The following FSHR variants were observed in gnomAD, a reference collection of about 807,000 sequenced individuals.
FSHR encodes follicle stimulating hormone receptor.
FSHR carries 46 observed loss-of-function variants against 52.1 expected under a neutral mutation model. The ratio of observed to expected loss-of-function variants is 0.88; its 90% confidence interval spans 0.70 to 1.13. FSHR has a LOEUF of 1.13. Among genes scored for constraint, FSHR ranks in the 50% most tolerant of loss-of-function variants. FSHR has a pLI of 0.00. For synonymous variants in FSHR, 399 were observed against 309.6 expected, an observed-to-expected ratio of 1.29 and a Z score of -3.03; for missense variants, 964 against 834.6, an observed-to-expected ratio of 1.16 and a Z score of -1.91.
intron 4 of FSHR, among the ~76,000 whole-genome samples, chr2:49,011,531 G>T (rs1667273733): frequency 6.6e-6 from 1 of 152,150 alleles, no homozygotes; most frequent in Non-Finnish European, 1.5e-5. Context: ...GAGTTCTGTA[G>T]ATGTCTATTA....
chr2:49,154,467 C>G lies in FSHR; in HGVS notation c.-50G>C. 4 of 1,590,600 alleles carry G rather than the reference C, an allele frequency of 2.5e-6. No individual in the cohort carries two copies. The highest frequency in any genetic ancestry group is 3.4e-6 in the Non-Finnish European group (4 of 1,161,326). ...TCTTCCTGCATTTGCAGAGAAAAAC[C>G]TCCACAGATCTCAGAAGCTCCACAC... is the stretch of plus-strand genomic sequence containing the variant. On this transcript the variant is annotated 5_prime_UTR_variant, in exon 1 of 10. Transcript: ENST00000406846.
chr2:49,062,159 C>G (rs890086231), intron 2 of FSHR, among the ~76,000 whole-genome samples: 1 of 152,040 alleles, frequency 6.6e-6, no homozygotes, highest in Non-Finnish European at 1.5e-5. Flanking sequence ...CATCACAGTA[C>G]AGGACTTAAA....
intron 4 of FSHR, among the ~76,000 whole-genome samples, chr2:49,004,887 T>G (rs1359232601): frequency 1.3e-5 from 2 of 152,126 alleles, no homozygotes; most frequent in Non-Finnish European, 2.9e-5. Flanking sequence ...GCATATCCTA[T>G]GAAAATAAAA....
intron 1 of FSHR, among the ~76,000 whole-genome samples, chr2:49,137,361 AG>A (rs1243967557): frequency 6.6e-6 from 1 of 152,124 alleles, no homozygotes; most frequent in African/African-American, 2.4e-5. Context: ...TAGATGGGAA[AG>A]TATTACATAT....
intron 4 of FSHR, among the ~76,000 whole-genome samples, chr2:49,005,838 G>A (rs1223175770): frequency 6.6e-6 from 1 of 152,138 alleles, no homozygotes; most frequent in Non-Finnish European, 1.5e-5. Context: ...AGGATGCAAA[G>A]TACTGATCTT....
chr2:49,147,647 CT>C (rs950566448), intron 1 of FSHR, among the ~76,000 whole-genome samples: 3 of 152,008 alleles, frequency 2.0e-5, no homozygotes, highest in African/African-American at 4.8e-5. Flanking sequence ...TCATCTTCTA[CT>C]TTAAAGGATT....
intron 2 of FSHR, among the ~76,000 whole-genome samples, chr2:49,025,949 G>A (rs1346892080): frequency 6.6e-6 from 1 of 152,198 alleles, no homozygotes; most frequent in African/African-American, 2.4e-5. Flanking sequence ...CCCTTTAGGA[G>A]AGGCTCAATT....
At chr2:48,989,685 G>A (rs1675685614) in intron 5 of FSHR, among the ~76,000 whole-genome samples, 1 of 151,982 alleles carries the variant, frequency 6.6e-6, no homozygotes, top group South Asian at 2.1e-4. Flanking sequence ...ATCTTAGTTG[G>A]GCCTTCTCCT....
intron 6 of FSHR, among the ~76,000 whole-genome samples, chr2:48,983,467 C>G (rs1675351667): frequency 6.6e-6 from 1 of 152,200 alleles, no homozygotes; most frequent in Non-Finnish European, 1.5e-5. Context: ...GGTCTTTACA[C>G]ACATCATTTG....
At chr2:49,000,493 G>T (rs534856797) in intron 4 of FSHR, among the ~76,000 whole-genome samples, 62 of 152,316 alleles carry the variant, frequency 4.1e-4, no homozygotes, top group Non-Finnish European at 7.1e-4. Context: ...GCAGAGCTCA[G>T]TGTAGCCAAT....
chr2:48,965,809 A>G (rs938300257), intron 9 of FSHR, among the ~76,000 whole-genome samples: 1 of 152,250 alleles, frequency 6.6e-6, no homozygotes, highest in Non-Finnish European at 1.5e-5. Context: ...GGAGAAAAGT[A>G]AATAACTTAT....
intron 1 of FSHR, among the ~76,000 whole-genome samples, chr2:49,082,743 C>T (rs1025440779): frequency 2.0e-5 from 3 of 152,000 alleles, no homozygotes; most frequent in Non-Finnish European, 4.4e-5. Flanking sequence ...GAAAGGGTAT[C>T]AGCGATGGAA....
intron 2 of FSHR, among the ~76,000 whole-genome samples, chr2:49,021,601 A>G (rs1178948807): frequency 6.6e-6 from 1 of 151,770 alleles, no homozygotes; most frequent in Non-Finnish European, 1.5e-5. Context: ...GAGCAGCAGC[A>G]GTCTGCTGGT....
intron 1 of FSHR, among the ~76,000 whole-genome samples, chr2:49,098,937 A>AAC (rs34255462): frequency 0.24 from 34,513 of 146,094 alleles, 4,040 homozygotes; most frequent in Middle Eastern, 0.3. Flanking sequence ...GCAACACACA[A>AAC]ACACACACAC....
chr2:49,030,441 C>G (rs1387582038), intron 2 of FSHR, among the ~76,000 whole-genome samples: 1 of 152,144 alleles, frequency 6.6e-6, no homozygotes, highest in Non-Finnish European at 1.5e-5. Context: ...CCCCAAATGG[C>G]TTTTCTCCTG....
At chr2:49,075,049 G>A (rs946739451) in intron 1 of FSHR, among the ~76,000 whole-genome samples, 6 of 152,086 alleles carry the variant, frequency 3.9e-5, no homozygotes, top group Admixed American at 6.6e-5. Context: ...GTATGGGGAC[G>A]AGAAGGATAA....
intron 1 of FSHR, among the ~76,000 whole-genome samples, chr2:49,138,436 A>G (rs1260836573): frequency 2.0e-5 from 3 of 152,350 alleles, no homozygotes; most frequent in South Asian, 4.1e-4. Flanking sequence ...TCATAGCCCA[A>G]AAGTGAAAAC....
chr2:49,040,613 A>G (rs976229510), intron 2 of FSHR, among the ~76,000 whole-genome samples: 2 of 152,156 alleles, frequency 1.3e-5, no homozygotes, highest in African/African-American at 2.4e-5. Flanking sequence ...GGAGAGAGGT[A>G]TGGTACAGTG....
At chr2:49,045,101 C>T (rs1280830473) in intron 2 of FSHR, among the ~76,000 whole-genome samples, 2 of 151,838 alleles carry the variant, frequency 1.3e-5, no homozygotes, top group Admixed American at 6.6e-5. Context: ...TTTTTTTTCC[C>T]CATAATCTAT....
Sources: gnomAD v4.1 joint callset for allele counts (sites outside exome capture counted in the v4.1 genomes callset) on GRCh38, gnomAD v4.1.1 for gene constraint, MANE v1.5 for transcripts, NCBI Gene and HGNC (gene_info 2026-07-23, HGNC 2026-07-21) for gene names.